Variants in C17orf67 observed in about 807,000 individuals in gnomAD.
C17orf67 encodes the protein chromosome 17 open reading frame 67.
In C17orf67, 12 loss-of-function variants were observed where a neutral mutation model predicts 11.2. The ratio of observed to expected loss-of-function variants is 1.07; its 90% CI spans 0.68 to 1.73. C17orf67 has a LOEUF of 1.73. Among genes scored for constraint, C17orf67 ranks in the 40% most tolerant of loss-of-function variants. C17orf67 has a pLI of 0.00. For missense variants in C17orf67, 115 were observed against 113.5 expected, an observed-to-expected ratio of 1.01 and a Z score of -0.06; for synonymous variants, 59 against 46.9, an observed-to-expected ratio of 1.26 and a Z score of -1.05.
intron 6 of C17orf67, among the ~76,000 whole-genome samples, chr17:56,797,332 G>T (rs1258366855): frequency 6.6e-6 from 1 of 152,142 alleles, no homozygotes; most frequent in African/African-American, 2.4e-5. Flanking sequence ...CTGGGGCCAG[G>T]TGGGTGGGGC....
intron 6 of C17orf67, among the ~76,000 whole-genome samples, chr17:56,796,450 A>G (rs1319121087): frequency 6.6e-6 from 1 of 152,226 alleles, no homozygotes; most frequent in Non-Finnish European, 1.5e-5. Flanking sequence ...TAGGACACTT[A>G]TGTCACAAAG....
chr17:56,828,014 A>G (rs1245535980), intron 2 of C17orf67, among the ~76,000 whole-genome samples: 3 of 150,798 alleles, frequency 2.0e-5, no homozygotes, highest in Non-Finnish European at 4.4e-5. Flanking sequence ...AGATCATCCC[A>G]GCCAATATGG....
At chr17:56,814,753 G>T in intron 6 of C17orf67, 116 bp downstream of exon 6, 1 of 984,316 alleles carries the variant, frequency 1.0e-6, no homozygotes, top group Non-Finnish European at 1.6e-6. Flanking sequence ...TCTTCTACCT[G>T]AAACTCTAAC....
chr17:56,797,121 T>C (rs1209198401), intron 6 of C17orf67, among the ~76,000 whole-genome samples: 1 of 152,202 alleles, frequency 6.6e-6, no homozygotes, highest in Non-Finnish European at 1.5e-5. Flanking sequence ...TTAATCTCTA[T>C]GCTTCTCAAA....
rs1745693743 is a variant in C17orf67 at position 56,792,248 on chromosome 17, T to C, written c.*125A>G. 12 of 152,266 alleles carry C rather than the reference T, an allele frequency of 7.9e-5. No homozygotes were observed. Among genetic ancestry groups the C allele is most frequent in the Admixed American group, 7.8e-4 (12 of 15,290 alleles). 9.4% of individuals were successfully genotyped at this position (152,266 alleles called of 1,614,324 possible). ...AAGGCAATCTTTGATATGCCCACAG[T>C]TCACGAGGTCTGAAGACATCCATTT... On this transcript the variant is annotated 3_prime_UTR_variant, in exon 8 of 8. Transcript: ENST00000397861.
chr17:56,811,597 C>A (rs546548589), intron 6 of C17orf67, among the ~76,000 whole-genome samples: 2 of 152,274 alleles, frequency 1.3e-5, no homozygotes, highest in South Asian at 2.1e-4. Context: ...CAGATAACCT[C>A]GTTAGTGAGC....
chr17:56,831,901 G>C (rs897538554), intron 2 of C17orf67, among the ~76,000 whole-genome samples: 1 of 152,094 alleles, frequency 6.6e-6, no homozygotes, highest in African/African-American at 2.4e-5. Context: ...AAAAAGGATC[G>C]GGTCCATCCT....
intron 6 of C17orf67, among the ~76,000 whole-genome samples, chr17:56,798,395 T>C (rs1905251834): frequency 6.6e-6 from 1 of 152,154 alleles, no homozygotes; most frequent in African/African-American, 2.4e-5. Flanking sequence ...ATATATCCCC[T>C]GTCTTCACAC....
intron 2 of C17orf67, among the ~76,000 whole-genome samples, chr17:56,829,048 G>A (rs1470742161): frequency 6.6e-6 from 1 of 152,142 alleles, no homozygotes; most frequent in Non-Finnish European, 1.5e-5. Context: ...GGGAGGCCGA[G>A]GTGGACAGAT....
At chr17:56,799,873 T>C (rs1252224331) in intron 6 of C17orf67, among the ~76,000 whole-genome samples, 5 of 152,124 alleles carry the variant, frequency 3.3e-5, no homozygotes. Context: ...TCAGTAGATG[T>C]CTATTCAAGT....
At chr17:56,829,037 T>C (rs1906120244) in intron 2 of C17orf67, among the ~76,000 whole-genome samples, 1 of 152,134 alleles carries the variant, frequency 6.6e-6, no homozygotes, top group Admixed American at 6.6e-5. Flanking sequence ...TTCAACACTT[T>C]GGGAGGCCGA....
At chr17:56,815,636 AAG>A (rs1340893429) in intron 5 of C17orf67, 118 bp downstream of exon 5, 2 of 740,568 alleles carry the variant, frequency 2.7e-6, no homozygotes, top group East Asian at 4.5e-5. Flanking sequence ...TAAGAAAAGA[AAG>A]AGCATTGAAA....
chr17:56,800,425 C>A (rs77956499), intron 6 of C17orf67, among the ~76,000 whole-genome samples: 1 of 152,066 alleles, frequency 6.6e-6, no homozygotes, highest in Non-Finnish European at 1.5e-5. Context: ...TGTCTGTATG[C>A]CTCCCACTGG....
At chr17:56,825,460 T>C (rs1906002906) in intron 2 of C17orf67, 139 bp from the exon 3 acceptor site, 1 of 152,222 alleles carries the variant, frequency 6.6e-6, no homozygotes, top group Non-Finnish European at 1.5e-5. Context: ...TATTAATCTG[T>C]CCCTACACAG....
chr17:56,799,597 T>G (rs1179146637), intron 6 of C17orf67, among the ~76,000 whole-genome samples: 3 of 152,114 alleles, frequency 2.0e-5, no homozygotes, highest in Non-Finnish European at 4.4e-5. Context: ...CACCAGGGAG[T>G]GTGATTATTG....
intron 4 of C17orf67, among the ~76,000 whole-genome samples, chr17:56,819,624 T>C (rs1905849586): frequency 1.3e-5 from 2 of 152,074 alleles, no homozygotes; most frequent in African/African-American, 2.4e-5. Flanking sequence ...GGCAGGGCCA[T>C]CAAATGCCCT....
At chr17:56,800,620 G>A (rs1480533641) in intron 6 of C17orf67, among the ~76,000 whole-genome samples, 2 of 152,126 alleles carry the variant, frequency 1.3e-5, no homozygotes, top group East Asian at 3.9e-4. Flanking sequence ...GCTCTGCCTA[G>A]AACACCCCTG....
intron 6 of C17orf67, among the ~76,000 whole-genome samples, chr17:56,812,688 T>C (rs1422476114): frequency 2.0e-5 from 3 of 151,720 alleles, no homozygotes; most frequent in African/African-American, 7.3e-5. Context: ...CAGGTGGTGG[T>C]CAAGCCTATA....
chr17:56,797,837 T>C (rs1454445836), intron 6 of C17orf67, among the ~76,000 whole-genome samples: 2 of 152,316 alleles, frequency 1.3e-5, no homozygotes, highest in East Asian at 1.9e-4. Context: ...CCGAAGCCAG[T>C]TCAGGCTGTG....
Sources: gnomAD v4.1 joint callset for allele counts (sites outside exome capture counted in the v4.1 genomes callset) on GRCh38, gnomAD v4.1.1 for gene constraint, MANE v1.5 for transcripts, NCBI Gene and HGNC (gene_info 2026-07-23, HGNC 2026-07-21) for gene names.